Variants in AGO3 observed in about 807,000 individuals in gnomAD.
The protein encoded by AGO3 is protein argonaute-3.
Under a neutral mutation model 105.5 loss-of-function variants are expected in AGO3, and 16 were observed. That is an observed-to-expected ratio of 0.15 (90% CI 0.10 to 0.23). AGO3 has a LOEUF of 0.23. Among genes scored for constraint, AGO3 ranks in the 10% least tolerant of loss-of-function variants. The pLI is 1.00. For missense variants in AGO3, 534 were observed against 1,088.0 expected (o/e 0.49, Z 7.16); for synonymous variants, 340 against 367.3 (o/e 0.93, Z 0.85).
intron 17 of AGO3, among the ~76,000 whole-genome samples, chr1:36,048,897 G>A (rs190410017): frequency 9.9e-5 from 15 of 152,198 alleles, no homozygotes; most frequent in African/African-American, 2.4e-4. Context: ...TTGTAGAGAC[G>A]GGATATCACT....
chr1:36,014,405 G>A (rs940560690), intron 11 of AGO3, among the ~76,000 whole-genome samples: 20 of 151,552 alleles, frequency 1.3e-4, no homozygotes, highest in African/African-American at 4.6e-4. Context: ...TGATCTGCCC[G>A]CCTTGGCCCC....
intron 14 of AGO3, among the ~76,000 whole-genome samples, chr1:36,038,683 C>A (rs1341055036): frequency 6.6e-6 from 1 of 152,148 alleles, no homozygotes; most frequent in Admixed American, 6.6e-5. Context: ...GCTCTAGGCT[C>A]TGATCAGAAT....
At position 35,972,189 on chromosome 1, in the gene AGO3, G is replaced by A; in HGVS notation, c.478G>A (p.Val160Ile). Residue 160 changes from valine (V) to isoleucine (I), a missense_variant, in exon 4 of 19, where the codon GTC becomes ATC. By Grantham distance (29) the Val-to-Ile change is conservative. Around this residue, in one of 2 missense-constraint regions of AGO3, gnomAD observed 161 missense variants for 234.0 expected, o/e 0.69. Coordinates refer to ENST00000373191, the MANE Select transcript of AGO3 (RefSeq NM_024852.4). ...ELDKPISTNP[V>I]HAVDVVLRHL... ...AGACAAGCCAATCAGCACTAACCCT[G>A]TCCATGCCGTTGATGTGGTGCTACG... 2 of 1,614,070 alleles carry A rather than the reference G, an allele frequency of 1.2e-6. No individual in the cohort carries two copies.
intron 14 of AGO3, among the ~76,000 whole-genome samples, chr1:36,038,277 CAG>C (rs1168771524): frequency 9.6e-6 from 1 of 104,638 alleles, no homozygotes; most frequent in African/African-American, 3.8e-5. Flanking sequence ...TTTTTTGAGA[CAG>C]AGCCTCGCTC....
At chr1:36,029,453 G>T (rs1275162034) in intron 12 of AGO3, among the ~76,000 whole-genome samples, 1 of 145,770 alleles carries the variant, frequency 6.9e-6, no homozygotes, top group Non-Finnish European at 1.5e-5. Context: ...GGAGTGCAGT[G>T]GTGCGATCTC....
chr1:35,983,881 TATAG>T (rs1319487021), intron 5 of AGO3, among the ~76,000 whole-genome samples: 1 of 152,198 alleles, frequency 6.6e-6, no homozygotes, highest in Non-Finnish European at 1.5e-5. Flanking sequence ...CTATGGAACA[TATAG>T]ATAGACATAT....
rs146218338 is a variant in AGO3, at chr1:36,011,127, T to C, written c.1149+1533T>C. On this transcript the variant is annotated intron_variant, in intron 9 of 18. Transcript: ENST00000373191. ...AAGATTAAAGGGCATCTGAATCTTA[T>C]CTGGCTCTGTTCTCGAATACCATTT... Among the ~76,000 whole-genome samples the C allele has an allele frequency of 2.2e-4, 34 of 152,266 alleles. No individual in the cohort carries two copies. The East Asian group carries it at 6.4e-3, about 29-fold the overall frequency.
At position 36,065,130 on chromosome 1, in the gene AGO3, G is replaced by C. The variant is rs1019487973; in HGVS notation, c.*9385G>C. The C allele has an allele frequency of 6.6e-6, 1 of 150,522 alleles. No individual in the cohort carries two copies. The highest frequency in any genetic ancestry group is 1.5e-5 in the Non-Finnish European group (1 of 67,870). 9.3% of individuals were successfully genotyped at this position (150,522 alleles called of 1,614,324 possible). A position where few individuals can be genotyped will look rare whatever the true frequency, so the allele number is the denominator to read the frequency against. On this transcript the variant is annotated 3_prime_UTR_variant, in exon 19 of 19. Transcript: ENST00000373191. Reference sequence around the variant, plus strand: ...TGCAGTGAGCCAAGATCACACCACTGCACTCCAGCCTGGGCGACAGAGCAA... The same window carrying C: ...TGCAGTGAGCCAAGATCACACCACTCCACTCCAGCCTGGGCGACAGAGCAA...
At position 36,064,767 on chromosome 1, in the gene AGO3, T is replaced by C. The variant is rs907652883; in HGVS notation, c.*9022T>C. The C allele has an allele frequency of 2.0e-5, 3 of 152,366 alleles. No homozygotes were observed. The highest frequency in any genetic ancestry group is 2.1e-4 in the South Asian group (1 of 4,830). The allele number at this position is 152,366 out of a possible 1,614,324, so 9.4% of individuals were successfully genotyped here. On this transcript the variant is annotated 3_prime_UTR_variant, in exon 19 of 19. Transcript: ENST00000373191. ...AGTTACATTAGTTTGCCCTATGATATACTATTCTGAGATACTTCAGCCCCG... is the reference window on the plus strand; with the variant it reads ...AGTTACATTAGTTTGCCCTATGATACACTATTCTGAGATACTTCAGCCCCG...
chr1:35,996,106 A>G (rs1476704816), intron 5 of AGO3, among the ~76,000 whole-genome samples: 1 of 152,152 alleles, frequency 6.6e-6, no homozygotes, highest in African/African-American at 2.4e-5. Context: ...TGGGAGGCCT[A>G]GGCAAGAGAA....
At chr1:35,991,655 C>T (rs992644702) in intron 5 of AGO3, among the ~76,000 whole-genome samples, 19 of 151,326 alleles carry the variant, frequency 1.3e-4, no homozygotes, top group Non-Finnish European at 2.8e-4. Flanking sequence ...TTCAGAAATT[C>T]GAAAGCATCA....
At chr1:36,037,797 T>C (rs1290804062) in intron 14 of AGO3, among the ~76,000 whole-genome samples, 1 of 152,224 alleles carries the variant, frequency 6.6e-6, no homozygotes, top group Non-Finnish European at 1.5e-5. Flanking sequence ...AAAGTGTTCT[T>C]ATAGATGATA....
In AGO3 at chr1:35,945,952, A is replaced by G. The variant is rs1016191240; in HGVS notation, c.191+89A>G. On this transcript the variant is annotated intron_variant, in intron 2 of 18. Transcript: ENST00000373191. Reference sequence around the variant, plus strand: ...TTTTGTATATCTGAATAACAATTACAATGTGTAACAGTTTGACCAAAAACA... The same window carrying G: ...TTTTGTATATCTGAATAACAATTACGATGTGTAACAGTTTGACCAAAAACA... The G allele has an allele frequency of 5.9e-6, 8 of 1,351,714 alleles. No homozygotes were observed. The South Asian group carries it at 7.3e-5, about 12-fold the overall frequency. 83.7% of individuals were successfully genotyped at this position (1,351,714 alleles called of 1,614,324 possible). A position where few individuals can be genotyped will look rare whatever the true frequency, so the allele number is the denominator to read the frequency against.
At chr1:36,011,441 A>G (rs1333861759) in intron 9 of AGO3, among the ~76,000 whole-genome samples, 9 of 152,120 alleles carry the variant, frequency 5.9e-5, no homozygotes, top group Admixed American at 5.9e-4. Flanking sequence ...GCTGGTTTTC[A>G]TCTTGGATTT....
chr1:36,072,318 G>A lies in AGO3; in HGVS notation c.*16573G>A, dbSNP rs376202951. Reference sequence around the variant, plus strand: ...GATTCTTTCTGAGCCAAACTGTCACGAAATGTTCTGTGACAGAACCACTAC... The same window carrying A: ...GATTCTTTCTGAGCCAAACTGTCACAAAATGTTCTGTGACAGAACCACTAC... On this transcript the variant is annotated 3_prime_UTR_variant, in exon 19 of 19. Transcript: ENST00000373191. 7 of 152,186 alleles carry A rather than the reference G, an allele frequency of 4.6e-5. No homozygotes were observed. Among genetic ancestry groups the A allele is most frequent in the Non-Finnish European group, 7.3e-5 (5 of 68,036 alleles). 9.4% of individuals were successfully genotyped at this position (152,186 alleles called of 1,614,324 possible).
chr1:36,054,738 TG>T (rs1316377902), intron 17 of AGO3, among the ~76,000 whole-genome samples: 4 of 152,094 alleles, frequency 2.6e-5, no homozygotes, highest in Admixed American at 1.3e-4. Context: ...AAAAATTAGC[TG>T]GGCATGATCA....
rs548688763 is a variant in AGO3, at chr1:36,062,408, A to G, written c.*6663A>G. 2.0e-4 allele frequency: 31 copies of G among 152,292 alleles called. No individual in the cohort carries two copies. The highest frequency in any genetic ancestry group is 7.2e-4 in the African/African-American group (30 of 41,558). 9.4% of individuals were successfully genotyped at this position (152,292 alleles called of 1,614,324 possible). A position where few individuals can be genotyped will look rare whatever the true frequency, so the allele number is the denominator to read the frequency against. On this transcript the variant is annotated 3_prime_UTR_variant, in exon 19 of 19. Transcript: ENST00000373191. ...CAGATCAGCTTAAGTGAGAAAGCAA[A>G]ATGATAATCTCTATTGTTAGAGAAA...
intron 17 of AGO3, among the ~76,000 whole-genome samples, chr1:36,050,396 G>C (rs922113770): frequency 3.3e-5 from 5 of 152,152 alleles, no homozygotes; most frequent in Admixed American, 3.3e-4. Flanking sequence ...TGAGGCAAGA[G>C]AATCGCTTGA....
At chr1:35,987,917 A>T (rs1269777313) in intron 5 of AGO3, among the ~76,000 whole-genome samples, 2 of 151,770 alleles carry the variant, frequency 1.3e-5, no homozygotes, top group African/African-American at 4.8e-5. Context: ...AAAATACAAA[A>T]ATCAGCTGGG....
Sources: gnomAD v4.1 joint callset for allele counts (sites outside exome capture counted in the v4.1 genomes callset) on GRCh38, gnomAD v4.1.1 for gene constraint, gnomAD v4.1.1 regional missense constraint, MANE v1.5 for transcripts, NCBI Gene and HGNC (gene_info 2026-07-23, HGNC 2026-07-21) for gene names.